SORCS2: variants seen among roughly 807,000 people sequenced by gnomAD.
SORCS2 encodes the protein sortilin related VPS10 domain containing receptor 2, also known as VPS10 domain-containing receptor SorCS2.
Under a neutral mutation model 141.6 loss-of-function variants are expected in SORCS2, and 100 were observed. The observed-to-expected ratio is 0.71, with a 90% CI of 0.60 to 0.83. The LOEUF is 0.83. SORCS2 is among the 40% of genes least tolerant of loss of function. The pLI is 0.00. For synonymous variants in SORCS2, 789 were observed against 676.9 expected (o/e 1.17, Z -2.57); for missense variants, 1,646 against 1,560.2 (o/e 1.05, Z -0.93).
intron 2 of SORCS2, among the ~76,000 whole-genome samples, chr4:7,455,812 G>T (rs1189598148): frequency 6.6e-6 from 1 of 152,088 alleles, no homozygotes; most frequent in Non-Finnish European, 1.5e-5. Context: ...GTTAGGGTCA[G>T]GCTCTGTGTT....
intron 14 of SORCS2, among the ~76,000 whole-genome samples, chr4:7,708,913 C>A (rs766008): frequency 0.75 from 113,494 of 152,144 alleles, 42,712 homozygotes; most frequent in East Asian, 0.88. Context: ...TGATGTTTGC[C>A]GTTTTCCCTG....
intron 1 of SORCS2, among the ~76,000 whole-genome samples, chr4:7,387,923 C>A (rs1318797115): frequency 2.8e-5 from 2 of 71,222 alleles, no homozygotes; most frequent in Non-Finnish European, 5.4e-5. Context: ...TGCACACACC[C>A]ACATGCACAC....
intron 1 of SORCS2, among the ~76,000 whole-genome samples, chr4:7,203,339 G>A (rs996540367): frequency 1.2e-4 from 19 of 152,358 alleles, no homozygotes; most frequent in South Asian, 4.1e-4. Context: ...CAGAAGAATC[G>A]CTTGAATCAG....
intron 2 of SORCS2, among the ~76,000 whole-genome samples, chr4:7,407,862 G>A (rs1481132600): frequency 1.3e-5 from 2 of 151,680 alleles, no homozygotes; most frequent in Admixed American, 6.6e-5. Context: ...TTGCATTATG[G>A]TTATCATGAG....
chr4:7,391,674 G>A (rs149252172), intron 1 of SORCS2, among the ~76,000 whole-genome samples: 2 of 152,322 alleles, frequency 1.3e-5, no homozygotes, highest in African/African-American at 4.8e-5. Flanking sequence ...TGGGGGCTGG[G>A]CTGTGGATGT....
intron 1 of SORCS2, among the ~76,000 whole-genome samples, chr4:7,217,943 G>A (rs894378823): frequency 2.6e-5 from 4 of 152,186 alleles, no homozygotes; most frequent in Admixed American, 6.6e-5. Context: ...CACAGTGCAC[G>A]GTCCCAGGCT....
chr4:7,194,464 G>A (rs1034088208), intron 1 of SORCS2, among the ~76,000 whole-genome samples: 1 of 152,154 alleles, frequency 6.6e-6, no homozygotes, highest in African/African-American at 2.4e-5. Context: ...GAATTTAGTC[G>A]GCCTAGAGCC....
At chr4:7,424,706 G>C (rs912331027) in intron 2 of SORCS2, among the ~76,000 whole-genome samples, 1 of 152,186 alleles carries the variant, frequency 6.6e-6, no homozygotes, top group African/African-American at 2.4e-5. Context: ...GCTCTCAGCA[G>C]GACAAAGCAG....
chr4:7,715,042 C>T, intron 16 of SORCS2, 141 bp from the exon 17 acceptor site: 1 of 1,183,718 alleles, frequency 8.4e-7, no homozygotes, highest in Non-Finnish European at 1.2e-6. Flanking sequence ...GTGGGTGTTC[C>T]TTGATGTCCT....
chr4:7,300,394 G>A (rs1005006745), intron 1 of SORCS2, among the ~76,000 whole-genome samples: 3 of 152,162 alleles, frequency 2.0e-5, no homozygotes, highest in Admixed American at 6.5e-5. Context: ...TGAACTCACC[G>A]TGCAGTGATG....
intron 3 of SORCS2, among the ~76,000 whole-genome samples, chr4:7,615,095 T>C (rs1307258366): frequency 6.6e-6 from 1 of 152,202 alleles, no homozygotes; most frequent in African/African-American, 2.4e-5. Flanking sequence ...CATCCATCCA[T>C]TCATCTACTC....
chr4:7,395,513 G>A (rs1161381778), intron 1 of SORCS2, among the ~76,000 whole-genome samples: 3 of 152,126 alleles, frequency 2.0e-5, no homozygotes, highest in African/African-American at 7.2e-5. Context: ...CATCAGGGCC[G>A]GTGCATCCTT....
At position 7,629,876 on chromosome 4, in the gene SORCS2, C is replaced by T. The variant is rs542844535; in HGVS notation, c.649-8452C>T. ...CATCCCCATCTCTGCAACGCGCTGT[C>T]GGCCACCCTTTGACCCAAGCCTGAA... On this transcript the variant is annotated intron_variant, in intron 3 of 26. Coordinates refer to ENST00000507866, the MANE Select transcript of SORCS2 (RefSeq NM_020777.3). Among the ~76,000 whole-genome samples the T allele has an allele frequency of 2.2e-3, 329 of 152,236 alleles. 1 individual carries two copies. Among genetic ancestry groups the T allele is most frequent in the South Asian group, 4.8e-3 (23 of 4,818 alleles).
intron 2 of SORCS2, among the ~76,000 whole-genome samples, chr4:7,526,752 G>A (rs753138392): frequency 5.3e-5 from 8 of 152,154 alleles, no homozygotes; most frequent in Non-Finnish European, 1.0e-4. Context: ...GGTGGGGGCC[G>A]AAGGTGTATG....
Position 7,738,775 on chromosome 4 carries a change from C to T in SORCS2, c.3416-1425C>T, listed in dbSNP as rs539774043. Among the ~76,000 whole-genome samples the T allele has an allele frequency of 2.6e-5, 4 of 152,238 alleles. No individual in the cohort carries two copies. The South Asian group carries it at 8.3e-4, about 32-fold the overall frequency. On this transcript the variant is annotated intron_variant, in intron 26 of 26. Transcript: ENST00000507866. ...GCTCAAAAAGGAGAAGTCGCTCACCCCGGCCAGCCAGACCCCAAAGCCTGT... is the reference window on the plus strand; with the variant it reads ...GCTCAAAAAGGAGAAGTCGCTCACCTCGGCCAGCCAGACCCCAAAGCCTGT...
chr4:7,594,516 G>A (rs1717131866), intron 3 of SORCS2, among the ~76,000 whole-genome samples: 1 of 152,250 alleles, frequency 6.6e-6, no homozygotes, highest in African/African-American at 2.4e-5. Flanking sequence ...CGGGGTGGGT[G>A]TGAGATCAGA....
rs141587138 is a variant in SORCS2, at chr4:7,434,706, G to A, written c.548+38351G>A. ...ATACGTCGCAGGGCAGAGACTTCGC[G>A]GTGGGTTTGTTCCATACGGCCCCTT... On this transcript the variant is annotated intron_variant, in intron 2 of 26. Coordinates refer to ENST00000507866, the MANE Select transcript of SORCS2 (RefSeq NM_020777.3). 1.3e-4 allele frequency: 207 copies of A among 1,612,852 alleles called. No homozygotes were observed. The African/African-American group carries it at 1.8e-3, about 14-fold the overall frequency.
At chr4:7,376,827 A>G (rs1030776054) in intron 1 of SORCS2, among the ~76,000 whole-genome samples, 3 of 152,206 alleles carry the variant, frequency 2.0e-5, no homozygotes, top group Non-Finnish European at 1.5e-5. Context: ...GAATTTCCCA[A>G]AACAGCAGGC....
At chr4:7,632,655 G>A (rs1295120036) in intron 3 of SORCS2, among the ~76,000 whole-genome samples, 16 of 152,188 alleles carry the variant, frequency 1.1e-4, no homozygotes. Flanking sequence ...CCGCAGAAAG[G>A]GCCTGTGATG....
Sources: gnomAD v4.1 joint callset for allele counts (sites outside exome capture counted in the v4.1 genomes callset) on GRCh38, gnomAD v4.1.1 for gene constraint, MANE v1.5 for transcripts, NCBI Gene and HGNC (gene_info 2026-07-23, HGNC 2026-07-21) for gene names.